Variants in NBEAL1 observed in about 807,000 individuals in gnomAD.
NBEAL1 encodes the protein neurobeachin like 1.
In NBEAL1, 273 loss-of-function variants were observed where a neutral mutation model predicts 351.3. That is an observed-to-expected ratio of 0.78 (90% confidence interval 0.70 to 0.86). The LOEUF (loss-of-function observed/expected upper bound fraction) is 0.86, where lower values mean the gene tolerates loss of function less well. Ranked by LOEUF, NBEAL1 falls within the 40% of genes least tolerant of loss-of-function variation. The probability of loss-of-function intolerance (pLI) is 0.00; values close to 1 mark genes in which losing one functional copy is unlikely to be tolerated. For synonymous variants in NBEAL1, 1,050 were observed against 1,086.4 expected, an observed-to-expected ratio of 0.97 and a Z score of 0.66; for missense variants, 2,961 against 3,201.3, an observed-to-expected ratio of 0.92 and a Z score of 1.81.
chr2:203,133,125 T>C lies in NBEAL1; in HGVS notation c.3792T>C (p.Val1264=). 1 of 1,499,870 alleles carries C rather than the reference T, an allele frequency of 6.7e-7. No individual in the cohort carries two copies. Among genetic ancestry groups the C allele is most frequent in the South Asian group, 1.2e-5 (1 of 80,216 alleles). 92.9% of individuals were successfully genotyped at this position (1,499,870 alleles called of 1,614,324 possible). A position where few individuals can be genotyped will look rare whatever the true frequency, so the allele number is the denominator to read the frequency against. The change falls in exon 27 of 56, where the codon GTT becomes GTC. Residue 1264 remains valine (V), a synonymous_variant. Coordinates refer to ENST00000683969, the MANE Select transcript of NBEAL1 (RefSeq NM_001378026.1). ...TATCTCACAGAGCACATATAAATGT[T>C]AGAGTGGCCATCTGCAGAAAGGTCA... ...VYISHRAHIN[V]RVAICRKVLQ...
intron 8 of NBEAL1, among the ~76,000 whole-genome samples, chr2:203,082,465 G>A: frequency 6.6e-6 from 1 of 152,140 alleles, no homozygotes; most frequent in East Asian, 1.9e-4. Flanking sequence ...GCATGACTAT[G>A]TTCTGTTTCA....
chr2:203,203,565 C>T (rs2065462603), intron 51 of NBEAL1, among the ~76,000 whole-genome samples: 1 of 151,910 alleles, frequency 6.6e-6, no homozygotes, highest in Non-Finnish European at 1.5e-5. Context: ...TTTAAAAAAC[C>T]CAGCTGAGCG....
rs541894506 is a variant in NBEAL1, at chr2:203,217,440, T to C, written c.*86T>C. On this transcript the variant is annotated 3_prime_UTR_variant, in exon 56 of 56. Transcript: ENST00000683969. ...CCACATCTCTCAACTCTCTGCAATG[T>C]TGCAAGGCTTTTATCCCTGAAAATC... is the stretch of plus-strand genomic sequence containing the variant. 8.0e-6 allele frequency: 11 copies of C among 1,374,830 alleles called. No individual in the cohort carries two copies. The African/African-American group carries it at 8.8e-5, about 11-fold the overall frequency. The allele number at this position is 1,374,830 out of a possible 1,614,324, so 85.2% of individuals were successfully genotyped here.
At chr2:203,038,120 C>G (rs1357164788) in intron 2 of NBEAL1, among the ~76,000 whole-genome samples, 1 of 149,130 alleles carries the variant, frequency 6.7e-6, no homozygotes, top group African/African-American at 2.4e-5. Context: ...TACGAATGTA[C>G]AACGATTTGT....
intron 6 of NBEAL1, among the ~76,000 whole-genome samples, chr2:203,059,117 T>C (rs1045841263): frequency 2.0e-4 from 30 of 152,334 alleles, no homozygotes; most frequent in Admixed American, 7.8e-4. Flanking sequence ...CCCATGGTAG[T>C]ATAGCCACCA....
chr2:203,018,142 C>G (rs1283405262), intron 2 of NBEAL1, among the ~76,000 whole-genome samples: 1 of 152,038 alleles, frequency 6.6e-6, no homozygotes, highest in South Asian at 2.1e-4. Context: ...AGTCTTCTTT[C>G]TAATGAGGAT....
intron 2 of NBEAL1, among the ~76,000 whole-genome samples, chr2:203,021,980 G>C (rs1232284789): frequency 6.6e-6 from 1 of 151,646 alleles, no homozygotes; most frequent in African/African-American, 2.4e-5. Context: ...GAATCCGGGA[G>C]GCAGAAGTTG....
Position 203,199,389 on chromosome 2 carries a change from G to A in NBEAL1, c.7180G>A (p.Asp2394Asn), listed in dbSNP as rs1484375047. The change falls in exon 49 of 56, where the codon GAC becomes AAC. Residue 2394 changes from aspartate to asparagine, a missense_variant. Coordinates refer to ENST00000683969, the MANE Select transcript of NBEAL1 (RefSeq NM_001378026.1). ...TGGAACCCATGGATGGTTGCCTTAT[G>A]ACAGAAACATTTCTAATTACTTTAC... is the stretch of plus-strand genomic sequence containing the variant. ...VIGTHGWLPY[D>N]RNISNYFTFI... 6.2e-7 allele frequency: 1 copy of A among 1,609,130 alleles called. No homozygotes were observed. The highest frequency in any genetic ancestry group is 2.2e-5 in the East Asian group (1 of 44,802).
intron 44 of NBEAL1, among the ~76,000 whole-genome samples, chr2:203,185,133 G>A (rs181531369): frequency 1.2e-3 from 186 of 152,228 alleles, no homozygotes; most frequent in Non-Finnish European, 1.3e-3. Context: ...AGACATCCTC[G>A]CAGAAGTATT....
At chr2:203,193,458 C>A (rs1008305527) in intron 46 of NBEAL1, among the ~76,000 whole-genome samples, 1 of 151,680 alleles carries the variant, frequency 6.6e-6, no homozygotes, top group African/African-American at 2.4e-5. Context: ...GGAAGACAGA[C>A]CATAAACAAC....
chr2:203,079,893 C>T (rs2061842493), intron 8 of NBEAL1, among the ~76,000 whole-genome samples: 1 of 152,034 alleles, frequency 6.6e-6, no homozygotes, highest in African/African-American at 2.4e-5. Flanking sequence ...ACTTATAGCT[C>T]TAGGGAACTT....
intron 33 of NBEAL1, 81 bp from the exon 34 acceptor site, chr2:203,148,910 A>C (rs1489079791): frequency 2.0e-5 from 26 of 1,287,320 alleles, no homozygotes; most frequent in Non-Finnish European, 2.4e-5. Context: ...ATTGGTCAAA[A>C]ATTTTAAATT....
At position 203,138,851 on chromosome 2, in the gene NBEAL1, A is replaced by G. The variant is rs150917476; in HGVS notation, c.4848+103A>G. The G allele has an allele frequency of 2.2e-4, 255 of 1,174,312 alleles. No individual in the cohort carries two copies. In the African/African-American group the frequency reaches 2.8e-3, roughly 13 times the overall value. 72.7% of individuals were successfully genotyped at this position (1,174,312 alleles called of 1,614,324 possible). ...GTCTTTTTGGTATTTTAAGTTTTTC[A>G]TTAGTTCTAAAAGTATCCATGATTT... On this transcript the variant is annotated intron_variant, in intron 31 of 55. Coordinates refer to ENST00000683969, the MANE Select transcript of NBEAL1 (RefSeq NM_001378026.1).
intron 8 of NBEAL1, among the ~76,000 whole-genome samples, chr2:203,078,703 G>T (rs1430444062): frequency 6.6e-6 from 1 of 152,150 alleles, no homozygotes; most frequent in Non-Finnish European, 1.5e-5. Context: ...GAAAGTACAT[G>T]TATAAACATG....
chr2:203,017,586 C>G (rs2060702161), intron 2 of NBEAL1, among the ~76,000 whole-genome samples: 1 of 151,968 alleles, frequency 6.6e-6, no homozygotes, highest in Non-Finnish European at 1.5e-5. Context: ...AACACGTTAA[C>G]CAAAAATTAA....
At chr2:203,207,334 A>C (rs1221833374) in intron 51 of NBEAL1, among the ~76,000 whole-genome samples, 1 of 150,754 alleles carries the variant, frequency 6.6e-6, no homozygotes, top group African/African-American at 2.4e-5. Context: ...CCGGGAGGTG[A>C]GGGGCGCCTC....
At chr2:203,211,320 T>A (rs2065783568) in intron 54 of NBEAL1, among the ~76,000 whole-genome samples, 1 of 152,100 alleles carries the variant, frequency 6.6e-6, no homozygotes, top group African/African-American at 2.4e-5. Flanking sequence ...TAGAAAATTT[T>A]ACATTATATA....
At chr2:203,143,910 TA>T (rs1204494245) in intron 31 of NBEAL1, among the ~76,000 whole-genome samples, 1 of 152,060 alleles carries the variant, frequency 6.6e-6, no homozygotes, top group Non-Finnish European at 1.5e-5. Flanking sequence ...CTGCCCGGTA[TA>T]AAAGATTTGG....
chr2:203,109,116 A>T (rs1038377858), intron 14 of NBEAL1, among the ~76,000 whole-genome samples: 1 of 152,140 alleles, frequency 6.6e-6, no homozygotes, highest in African/African-American at 2.4e-5. Flanking sequence ...TAGCACTTTA[A>T]GTGGTTGAGG....
Sources: allele counts gnomAD v4.1 joint callset (sites outside exome capture counted in the v4.1 genomes callset), GRCh38; gene constraint gnomAD v4.1.1; transcripts MANE v1.5; gene names NCBI Gene and HGNC (gene_info 2026-07-23, HGNC 2026-07-21).